Variants in CNBD1 observed in about 807,000 individuals in gnomAD.
The protein encoded by CNBD1 is cyclic nucleotide binding domain containing 1.
In CNBD1, 71 loss-of-function variants were observed where a neutral mutation model predicts 54.4. The ratio of observed to expected loss-of-function variants is 1.30; its 90% CI spans 1.08 to 1.59. The LOEUF (loss-of-function observed/expected upper bound fraction) is 1.59, where lower values mean the gene tolerates loss of function less well. Ranked by LOEUF, CNBD1 falls within the 40% of genes most tolerant of loss-of-function variation. The probability of loss-of-function intolerance (pLI) is 0.00; values close to 1 mark genes in which losing one functional copy is unlikely to be tolerated. For synonymous variants in CNBD1, 182 were observed against 170.7 expected, an observed-to-expected ratio of 1.07 and a Z score of -0.51; for missense variants, 659 against 518.0, an observed-to-expected ratio of 1.27 and a Z score of -2.64.
chr8:86,876,981 ACC>A (rs1808529936), intron 1 of CNBD1, among the ~76,000 whole-genome samples: 2 of 152,204 alleles, frequency 1.3e-5, no homozygotes, highest in East Asian at 3.9e-4. Context: ...TTGATTCTAT[ACC>A]TAAATCAAAT....
intron 5 of CNBD1, among the ~76,000 whole-genome samples, chr8:87,223,170 A>G (rs1814381361): frequency 6.7e-6 from 1 of 150,330 alleles, no homozygotes; most frequent in South Asian, 2.1e-4. Context: ...TACGTATTTA[A>G]TCTATCCTCC....
chr8:87,370,519 T>G (rs988219960), intron 10 of CNBD1, among the ~76,000 whole-genome samples: 2 of 152,186 alleles, frequency 1.3e-5, no homozygotes, highest in South Asian at 4.1e-4. Context: ...GCTGCATAAA[T>G]GTTTTCTTTT....
In CNBD1 at chr8:86,987,455, G is replaced by T. The variant is rs1808634411; in HGVS notation, c.431+47701G>T. ...TAGAATCATAATGTCAATAAAGAGA[G>T]ACAGTTGGGCTTCCTTTCCTGTTTA... On this transcript the variant is annotated intron_variant, in intron 4 of 10. Transcript: ENST00000518476. Among the ~76,000 whole-genome samples the T allele has an allele frequency of 2.0e-5, 3 of 152,104 alleles. No homozygotes were observed. In the South Asian group the frequency reaches 6.2e-4, roughly 32 times the overall value.
chr8:86,983,133 G>A (rs564332223), intron 4 of CNBD1, among the ~76,000 whole-genome samples: 1 of 152,104 alleles, frequency 6.6e-6, no homozygotes, highest in African/African-American at 2.4e-5. Flanking sequence ...GGGACCCCAT[G>A]GGGAGGTAAT....
At chr8:86,972,189 ATCC>A (rs1217740787) in intron 4 of CNBD1, among the ~76,000 whole-genome samples, 4 of 152,250 alleles carry the variant, frequency 2.6e-5, no homozygotes, top group African/African-American at 9.6e-5. Context: ...TGACCTCGTG[ATCC>A]ACCCACCTCG....
intron 8 of CNBD1, among the ~76,000 whole-genome samples, chr8:87,327,692 G>T (rs780213814): frequency 6.6e-6 from 1 of 152,074 alleles, no homozygotes; most frequent in African/African-American, 2.4e-5. Flanking sequence ...ACTGACCTGC[G>T]CCCACTGTCT....
intron 6 of CNBD1, among the ~76,000 whole-genome samples, chr8:87,264,646 C>A (rs568773848): frequency 6.6e-6 from 1 of 152,254 alleles, no homozygotes; most frequent in South Asian, 2.1e-4. Flanking sequence ...TTCTCCACAT[C>A]CTCTCCAGCA....
At chr8:87,227,162 A>G (rs1314957472) in intron 5 of CNBD1, among the ~76,000 whole-genome samples, 1 of 152,154 alleles carries the variant, frequency 6.6e-6, no homozygotes, top group East Asian at 1.9e-4. Flanking sequence ...TTTCCTGAAT[A>G]CAGCACAGTG....
intron 10 of CNBD1, among the ~76,000 whole-genome samples, chr8:87,374,137 A>C (rs1201530427): frequency 6.6e-6 from 1 of 151,824 alleles, no homozygotes; most frequent in Non-Finnish European, 1.5e-5. Context: ...GTAGGCAATA[A>C]TGTGCCCCAT....
At chr8:87,400,274 A>C (rs1807530579) in intron 2 of CNBD1, among the ~76,000 whole-genome samples, 1 of 152,020 alleles carries the variant, frequency 6.6e-6, no homozygotes, top group South Asian at 2.1e-4. Flanking sequence ...CTTTTGCACC[A>C]AACTAATAAT....
At chr8:87,049,459 C>T (rs1333394934) in intron 4 of CNBD1, among the ~76,000 whole-genome samples, 1 of 152,142 alleles carries the variant, frequency 6.6e-6, no homozygotes, top group African/African-American at 2.4e-5. Context: ...GCTAGTTGAG[C>T]ACTGATGCCC....
chr8:86,896,780 GA>G (rs890185730), intron 2 of CNBD1, among the ~76,000 whole-genome samples: 3 of 152,106 alleles, frequency 2.0e-5, no homozygotes, highest in African/African-American at 7.2e-5. Context: ...CTTGCCAACA[GA>G]ATGGGAAAAG....
rs1808147760 is a variant in CNBD1 at position 86,968,629 on chromosome 8, GA to G, written c.431+28877del. Among the ~76,000 whole-genome samples the G allele has an allele frequency of 3.3e-5, 5 of 152,270 alleles. No individual in the cohort carries two copies. In the South Asian group the frequency reaches 1.0e-3, roughly 32 times the overall value. The stretch of plus-strand genomic sequence containing the variant: ...CAAAGGAGAAGGGCAGATATTTGGG[GA>G]AGAGAAATATTTTTTAAAAGATTCA... On this transcript the variant is annotated intron_variant, in intron 4 of 10. Transcript: ENST00000518476.
chr8:86,980,413 A>G (rs1009800325), intron 4 of CNBD1, among the ~76,000 whole-genome samples: 2 of 152,192 alleles, frequency 1.3e-5, no homozygotes, highest in African/African-American at 2.4e-5. Context: ...TCCTTAGTGC[A>G]TATCTGGCTC....
Position 87,058,104 on chromosome 8 carries a change from A to G in CNBD1, c.431+118350A>G, listed in dbSNP as rs566817291. 1.3e-4 allele frequency among the ~76,000 whole-genome samples: 20 copies of G among 152,298 alleles called. No individual in the cohort carries two copies. In the South Asian group the frequency reaches 2.1e-3, roughly 16 times the overall value. On this transcript the variant is annotated intron_variant, in intron 4 of 10. Coordinates refer to ENST00000518476, the MANE Select transcript of CNBD1 (RefSeq NM_173538.3). ...AAATTGACCAAAACAAAAAGACTAG[A>G]GGCCCCATGCAAGTCCAGAATCCAA... is the stretch of plus-strand genomic sequence containing the variant.
At chr8:87,249,573 G>C (rs552881229) in intron 6 of CNBD1, among the ~76,000 whole-genome samples, 1 of 152,046 alleles carries the variant, frequency 6.6e-6, no homozygotes. Flanking sequence ...TCTTTCAACC[G>C]CAAATTGATA....
intron 4 of CNBD1, among the ~76,000 whole-genome samples, chr8:87,135,722 A>C (rs1812213500): frequency 1.3e-5 from 2 of 149,974 alleles, no homozygotes; most frequent in Non-Finnish European, 3.0e-5. Context: ...TTTATGATCC[A>C]GATCTGATCC....
intron 4 of CNBD1, among the ~76,000 whole-genome samples, chr8:87,067,469 T>A (rs1222485877): frequency 2.0e-5 from 3 of 151,976 alleles, no homozygotes; most frequent in African/African-American, 4.8e-5. Flanking sequence ...TTTCCTTTGA[T>A]TTTTGAAGAT....
At chr8:87,372,758 A>G (rs530381353) in intron 10 of CNBD1, among the ~76,000 whole-genome samples, 2 of 151,930 alleles carry the variant, frequency 1.3e-5, no homozygotes, top group Admixed American at 1.3e-4. Flanking sequence ...TTTAAGTTCA[A>G]TCACCTCATA....
Sources: allele counts gnomAD v4.1 joint callset (sites outside exome capture counted in the v4.1 genomes callset), GRCh38; gene constraint gnomAD v4.1.1; transcripts MANE v1.5; gene names NCBI Gene and HGNC (gene_info 2026-07-23, HGNC 2026-07-21).